The following TANGO6 variants were observed in gnomAD, a reference collection of about 807,000 sequenced individuals.
TANGO6 encodes the protein transport and Golgi organization protein 6 homolog.
Under a neutral mutation model 114.2 loss-of-function variants are expected in TANGO6, and 90 were observed. The observed-to-expected ratio is 0.79, with a 90% confidence interval of 0.66 to 0.94. The LOEUF is 0.94. TANGO6 is among the 40% of genes least tolerant of loss of function. The probability of loss-of-function intolerance (pLI) is 0.00; values close to 1 mark genes in which losing one functional copy is unlikely to be tolerated. For missense variants in TANGO6, 1,274 were observed against 1,315.3 expected (o/e 0.97, Z 0.49); for synonymous variants, 477 against 509.8 (o/e 0.94, Z 0.87).
intron 12 of TANGO6, among the ~76,000 whole-genome samples, chr16:68,924,832 C>T (rs1292091867): frequency 6.6e-6 from 1 of 151,854 alleles, no homozygotes; most frequent in Admixed American, 6.6e-5. Flanking sequence ...ATAGCTGCTG[C>T]CACCCAGTGC....
chr16:69,073,588 C>G (rs1371652101), intron 17 of TANGO6, among the ~76,000 whole-genome samples: 1 of 152,198 alleles, frequency 6.6e-6, no homozygotes, highest in Non-Finnish European at 1.5e-5. Context: ...GAGTCATCCT[C>G]TGCCGGGAAT....
chr16:69,048,258 A>ATTTTTTTTTTTTT (rs71383949), intron 17 of TANGO6, among the ~76,000 whole-genome samples: 1 of 111,662 alleles, frequency 9.0e-6, no homozygotes, highest in African/African-American at 3.9e-5. Context: ...AATTTTTTGT[A>ATTTTTTTTTTTTT]TTTTTTTTTT....
intron 7 of TANGO6, among the ~76,000 whole-genome samples, chr16:68,889,175 A>G (rs1457356534): frequency 1.3e-5 from 2 of 152,224 alleles, no homozygotes; most frequent in East Asian, 3.9e-4. Flanking sequence ...AATTAAGTGG[A>G]AAGTACAGGG....
intron 7 of TANGO6, among the ~76,000 whole-genome samples, chr16:68,895,780 A>T (rs942716382): frequency 6.6e-6 from 1 of 152,156 alleles, no homozygotes; most frequent in African/African-American, 2.4e-5. Flanking sequence ...GGTCATTAGG[A>T]TGCATAGCTG....
At chr16:68,844,176 T>C (rs951324371) in intron 1 of TANGO6, among the ~76,000 whole-genome samples, 1 of 151,882 alleles carries the variant, frequency 6.6e-6, no homozygotes, top group African/African-American at 2.4e-5. Flanking sequence ...TTGAAATGGG[T>C]TTGGGGAGAG....
At chr16:68,924,717 GA>G (rs2152194353) in intron 12 of TANGO6, among the ~76,000 whole-genome samples, 1 of 151,858 alleles carries the variant, frequency 6.6e-6, no homozygotes, top group South Asian at 2.1e-4. Context: ...TTGAACGTGG[GA>G]GGCGGAGGAT....
intron 17 of TANGO6, among the ~76,000 whole-genome samples, chr16:69,082,935 G>A (rs1426190403): frequency 6.6e-6 from 1 of 151,988 alleles, no homozygotes; most frequent in African/African-American, 2.4e-5. Flanking sequence ...AAGGAGTCTG[G>A]GAACTATGAT....
At chr16:69,048,381 C>T (rs753324235) in intron 17 of TANGO6, among the ~76,000 whole-genome samples, 11 of 149,690 alleles carry the variant, frequency 7.3e-5, no homozygotes, top group Admixed American at 2.0e-4. Flanking sequence ...GGATTACAGG[C>T]GTGAACCACT....
chr16:68,880,646 C>A lies in TANGO6; in HGVS notation c.1377+16C>A. On this transcript the variant is annotated intron_variant, in intron 7 of 17. Coordinates refer to ENST00000261778, the MANE Select transcript of TANGO6 (RefSeq NM_024562.2). The stretch of plus-strand genomic sequence containing the variant: ...TGTGTTTAAGGTTGGTAATCTGAGT[C>A]ACTAATGTTTTTATTTACTTCTTAT... 1 of 1,525,872 alleles carries A rather than the reference C, an allele frequency of 6.6e-7. No homozygotes were observed. Among genetic ancestry groups the A allele is most frequent in the South Asian group, 1.3e-5 (1 of 75,028 alleles). 94.5% of individuals were successfully genotyped at this position (1,525,872 alleles called of 1,614,324 possible).
intron 17 of TANGO6, among the ~76,000 whole-genome samples, chr16:69,076,343 T>C (rs988883066): frequency 4.0e-5 from 6 of 151,066 alleles, no homozygotes; most frequent in Non-Finnish European, 8.9e-5. Flanking sequence ...CCGCCTGCCT[T>C]GGCCTCCCAA....
chr16:69,022,094 G>A (rs1205800137), intron 15 of TANGO6, among the ~76,000 whole-genome samples: 4 of 151,738 alleles, frequency 2.6e-5, no homozygotes, highest in Admixed American at 1.3e-4. Context: ...CACCGTGTTA[G>A]CCAGGATGGT....
intron 14 of TANGO6, among the ~76,000 whole-genome samples, chr16:68,952,542 A>G (rs2152206060): frequency 6.6e-6 from 1 of 152,332 alleles, no homozygotes; most frequent in Admixed American, 6.5e-5. Flanking sequence ...ATTAACACTG[A>G]CATAGTTCCT....
intron 7 of TANGO6, among the ~76,000 whole-genome samples, chr16:68,882,930 A>G (rs111367191): frequency 3.3e-5 from 5 of 152,308 alleles, no homozygotes; most frequent in African/African-American, 1.2e-4. Context: ...AGGCAGGAGA[A>G]TCACTTGAAC....
rs2152182373 is a variant in TANGO6 at position 68,902,491 on chromosome 16, A to G, written c.1654A>G (p.Lys552Glu). The change falls in exon 9 of 18, where the codon AAA becomes GAA. Residue 552 changes from lysine (K) to glutamate (E), a missense_variant. Physicochemically the swap from Lys to Glu is moderately conservative, Grantham distance 56 (BLOSUM62 1). Around this residue, in one of 5 missense-constraint regions of TANGO6, gnomAD observed 908 missense variants for 910.2 expected, o/e 1.00. Transcript: ENST00000261778. ...ATQGGIMITI[K>E]EAISDEDEDE... is the part of the protein sequence containing the mutation. ...TCAAGGTGGCATTATGATTACCATC[A>G]AAGAGGCCATTAGGTGAGTCCACCC... 6.2e-7 allele frequency: 1 copy of G among 1,612,110 alleles called. No individual in the cohort carries two copies. Among genetic ancestry groups the G allele is most frequent in the Non-Finnish European group, 8.5e-7 (1 of 1,179,156 alleles).
At chr16:68,935,573 A>G (rs1185827946) in intron 14 of TANGO6, among the ~76,000 whole-genome samples, 4 of 152,158 alleles carry the variant, frequency 2.6e-5, no homozygotes, top group Non-Finnish European at 5.9e-5. Flanking sequence ...CTTACTGAGA[A>G]GCAGTGGTTG....
intron 15 of TANGO6, among the ~76,000 whole-genome samples, chr16:69,011,509 A>G (rs2152224241): frequency 6.6e-6 from 1 of 150,824 alleles, no homozygotes; most frequent in East Asian, 2.0e-4. Flanking sequence ...ACTGGAGTGC[A>G]GTGGCACAAT....
intron 4 of TANGO6, among the ~76,000 whole-genome samples, chr16:68,874,864 C>T (rs543883008): frequency 6.6e-6 from 1 of 152,102 alleles, no homozygotes; most frequent in Non-Finnish European, 1.5e-5. Context: ...GCAAGAGAAT[C>T]GCTTGAACCT....
chr16:69,081,354 C>T (rs1046638926), intron 17 of TANGO6, among the ~76,000 whole-genome samples: 1 of 151,856 alleles, frequency 6.6e-6, no homozygotes, highest in African/African-American at 2.4e-5. Flanking sequence ...ACGAGTTGGT[C>T]CCTAAATCTC....
rs1963222276 is a variant in TANGO6 at position 68,930,312 on chromosome 16, T to A, written c.2701+17T>A. 1.3e-6 allele frequency: 2 copies of A among 1,543,178 alleles called. No homozygotes were observed. Among genetic ancestry groups the A allele is most frequent in the Non-Finnish European group, 1.8e-6 (2 of 1,138,680 alleles). Reference sequence around the variant, plus strand: ...CAATTCAGGGTAAGTCAGTCCTGGTTAAAGGACTTTAAGTATGTGGACCAG... The same window carrying A: ...CAATTCAGGGTAAGTCAGTCCTGGTAAAAGGACTTTAAGTATGTGGACCAG... On this transcript the variant is annotated intron_variant, in intron 14 of 17. Transcript: ENST00000261778.
Sources: allele counts gnomAD v4.1 joint callset (sites outside exome capture counted in the v4.1 genomes callset), GRCh38; gene constraint gnomAD v4.1.1; regional missense constraint gnomAD v4.1.1; transcripts MANE v1.5; gene names NCBI Gene and HGNC (gene_info 2026-07-23, HGNC 2026-07-21).